Variants in GRN observed in about 807,000 individuals in gnomAD.
GRN encodes progranulin.
A neutral mutation model predicts 66.7 loss-of-function variants in GRN; 30 were observed. The observed-to-expected ratio is 0.45, with a 90% confidence interval of 0.34 to 0.61. The LOEUF is 0.61. GRN is among the 20% of genes least tolerant of loss of function. The probability of loss-of-function intolerance (pLI) is 0.01; values close to 1 mark genes in which losing one functional copy is unlikely to be tolerated. For synonymous variants in GRN, 327 were observed against 311.1 expected (o/e 1.05, Z -0.54); for missense variants, 731 against 803.5 (o/e 0.91, Z 1.09).
chr17:44,352,064 G>A lies in GRN; in HGVS notation c.1229G>A (p.Cys410Tyr), dbSNP rs1348099857. ...CACTGCTGCCCCCAGGGCTACACGT[G>A]TGTAGCTGAGGGGCAGTGTCAGCGA... ...HQHCCPQGYT[C>Y]VAEGQCQRGS... Residue 410 changes from cysteine (C) to tyrosine (Y), a missense_variant, in exon 11 of 13, where the codon TGT becomes TAT. Physicochemically the swap from Cys to Tyr is radical, Grantham distance 194. Coordinates refer to ENST00000053867, the MANE Select transcript of GRN (RefSeq NM_002087.4). 1.9e-6 allele frequency: 3 copies of A among 1,613,846 alleles called. No homozygotes were observed. The highest frequency in any genetic ancestry group is 1.7e-6 in the Non-Finnish European group (2 of 1,179,986).
chr17:44,349,291 C>T lies in GRN; in HGVS notation c.127C>T (p.Arg43Cys). 1.2e-6 allele frequency: 2 copies of T among 1,613,892 alleles called. No individual in the cohort carries two copies. Among genetic ancestry groups the T allele is most frequent in the African/African-American group, 1.3e-5 (1 of 75,064 alleles). The change falls in exon 2 of 13, where the codon CGT becomes TGT. Residue 43 changes from arginine (R) to cysteine (C), a missense_variant. This residue lies in a region of GRN where 370 missense variants were observed against 379.8 expected (regional missense o/e 0.97). Coordinates refer to ENST00000053867, the MANE Select transcript of GRN (RefSeq NM_002087.4). Reference sequence around the variant, plus strand: ...CGGAGGAGCCAGCTACAGCTGCTGCCGTCCCCTTCTGGTGAGTGCCCCTCA... The same window carrying T: ...CGGAGGAGCCAGCTACAGCTGCTGCTGTCCCCTTCTGGTGAGTGCCCCTCA... The part of the protein sequence containing the change: ...DPGGASYSCC[R>C]PLLDKWPTTL...
At position 44,350,798 on chromosome 17, in the gene GRN, A is replaced by G. The variant is rs2048365827; in HGVS notation, c.706A>G (p.Asn236Asp). The change falls in exon 7 of 13, where the codon AAC becomes GAC. Residue 236 changes from asparagine to aspartate, a missense_variant and splice_region_variant. Around this residue, in one of 3 missense-constraint regions of GRN, gnomAD observed 370 missense variants for 379.8 expected, o/e 0.97. Coordinates refer to ENST00000053867, the MANE Select transcript of GRN (RefSeq NM_002087.4). ...SGKYGCCPMP[N>D]ATCCSDHLHC... ...GAAGTATGGCTGCTGCCCAATGCCC[A>G]ACGTGAGTGAGGGGCTGGAGCCAGC... is the stretch of plus-strand genomic sequence containing the variant. 1.9e-6 allele frequency: 3 copies of G among 1,607,626 alleles called. No individual in the cohort carries two copies. The highest frequency in any genetic ancestry group is 2.6e-6 in the Non-Finnish European group (3 of 1,174,382).
At position 44,352,039 on chromosome 17, in the gene GRN, C is replaced by G; in HGVS notation, c.1204C>G (p.His402Asp). Reference protein sequence around the residue: ...PEAVCCSDHQHCCPQGYTCVA... With the variant: ...PEAVCCSDHQDCCPQGYTCVA... ...GGCTGTCTGCTGCTCGGACCACCAG[C>G]ACTGCTGCCCCCAGGGCTACACGTG... is the stretch of plus-strand genomic sequence containing the variant. Residue 402 changes from histidine (H) to aspartate (D), a missense_variant, in exon 11 of 13, where the codon CAC (histidine) becomes GAC (aspartate). By Grantham distance (81) the His-to-Asp change is moderately conservative (BLOSUM62 -1). This residue lies in a region of GRN where 319 missense variants were observed against 347.2 expected (regional missense o/e 0.92). Transcript: ENST00000053867. 1.2e-6 allele frequency: 2 copies of G among 1,613,540 alleles called. No homozygotes were observed. Among genetic ancestry groups the G allele is most frequent in the Non-Finnish European group, 1.7e-6 (2 of 1,179,898 alleles).
At chr17:44,351,265 C>A in intron 8 of GRN, 98 bp from the exon 9 acceptor site, 1 of 1,535,438 alleles carries the variant, frequency 6.5e-7, no homozygotes, top group Non-Finnish European at 9.0e-7. Context: ...TACCCTCCAT[C>A]TTCAACACCT....
In GRN at chr17:44,349,667, G is replaced by A. The variant is rs767389508; in HGVS notation, c.265G>A (p.Ala89Thr). The A allele has an allele frequency of 6.2e-7, 1 of 1,612,984 alleles. No individual in the cohort carries two copies. The highest frequency in any genetic ancestry group is 1.1e-5 in the South Asian group (1 of 91,070). The stretch of plus-strand genomic sequence containing the variant: ...ATGCAGGTTTCTCTGTGTTCCACAG[G>A]CCGTGGCATGCGGGGATGGCCATCA... ...GTSSCCPFPE[A>T]VACGDGHHCC... The change falls in exon 4 of 13, where the codon GCC becomes ACC. Residue 89 changes from alanine to threonine, a missense_variant and splice_region_variant. Transcript: ENST00000053867.
In GRN at chr17:44,352,914, C is replaced by T; in HGVS notation, c.*116C>T. 9.8e-7 allele frequency: 1 copy of T among 1,017,452 alleles called. No individual in the cohort carries two copies. The highest frequency in any genetic ancestry group is 1.3e-5 in the South Asian group (1 of 74,322). The allele number at this position is 1,017,452 out of a possible 1,614,324, so 63.0% of individuals were successfully genotyped here. A position where few individuals can be genotyped will look rare whatever the true frequency, so the allele number is the denominator to read the frequency against. On this transcript the variant is annotated 3_prime_UTR_variant, in exon 13 of 13. Transcript: ENST00000053867. ...TCTCCCTGGACCCCATTCTGAGCTC[C>T]CCATCACCATGGGAGGTGGGGCCTC...
intron 1 of GRN, among the ~76,000 whole-genome samples, chr17:44,346,977 T>C (rs928842567): frequency 1.3e-5 from 2 of 151,638 alleles, no homozygotes; most frequent in Admixed American, 1.3e-4. Context: ...ATTAGCCAGG[T>C]GTGGTAGCGC....
chr17:44,349,230 T>A lies in GRN; in HGVS notation c.66T>A (p.Asp22Glu), dbSNP rs2048348383. The stretch of plus-strand genomic sequence containing the variant: ...TGGTGGCTGGAACGCGGTGCCCAGA[T>A]GGTCAGTTCTGCCCTGTGGCCTGCT... ...AGLVAGTRCP[D>E]GQFCPVACCL... Residue 22 changes from aspartate (D) to glutamate (E), a missense_variant, in exon 2 of 13, where the codon GAT (aspartate) becomes GAA (glutamate). Physicochemically the swap from Asp to Glu is conservative, Grantham distance 45 (BLOSUM62 2). Around this residue, in one of 3 missense-constraint regions of GRN, gnomAD observed 370 missense variants for 379.8 expected, o/e 0.97. Transcript: ENST00000053867. 1 of 1,613,934 alleles carries A rather than the reference T, an allele frequency of 6.2e-7. No homozygotes were observed. Among genetic ancestry groups the A allele is most frequent in the African/African-American group, 1.3e-5 (1 of 74,940 alleles).
At chr17:44,348,968 A>C (rs2143323662) in intron 1 of GRN, among the ~76,000 whole-genome samples, 190 bp from the exon 2 acceptor site, 1 of 152,372 alleles carries the variant, frequency 6.6e-6, no homozygotes, top group South Asian at 2.1e-4. Flanking sequence ...GGCAAGTGTC[A>C]CACACGGGGC....
rs377654647 is a variant in GRN, at chr17:44,349,117, T to C, written c.-7-41T>C. Reference sequence around the variant, plus strand: ...AGTGACCCTAGAATCAAGGGTGGCGTGGGCTTAAGCAGTTGCCAGACGTTC... The same window carrying C: ...AGTGACCCTAGAATCAAGGGTGGCGCGGGCTTAAGCAGTTGCCAGACGTTC... On this transcript the variant is annotated intron_variant, in intron 1 of 12. Coordinates refer to ENST00000053867, the MANE Select transcript of GRN (RefSeq NM_002087.4). 299 of 1,610,732 alleles carry C rather than the reference T, an allele frequency of 1.9e-4. 2 individuals carry two copies. The South Asian group carries it at 3.1e-3, about 17-fold the overall frequency.
In GRN at chr17:44,347,944, A is replaced by AGG. The variant is rs368946511; in HGVS notation, c.-7-1210_-7-1209dup. On this transcript the variant is annotated intron_variant, in intron 1 of 12. Coordinates refer to ENST00000053867, the MANE Select transcript of GRN (RefSeq NM_002087.4). Reference sequence around the variant, plus strand: ...GACTGTCTCAAAAAAAAAAAAAAAAAGGGGGTGAGCAGACGTGGTGGCACG... The same window carrying AGG: ...GACTGTCTCAAAAAAAAAAAAAAAAAGGGGGGGTGAGCAGACGTGGTGGCACG... Among the ~76,000 whole-genome samples, 13 of 137,106 alleles carry AGG rather than the reference A, an allele frequency of 9.5e-5. No individual in the cohort carries two copies. The East Asian group carries it at 2.5e-3, about 26-fold the overall frequency. 89.9% of individuals were successfully genotyped at this position (137,106 alleles called of 152,430 possible).
rs1206373923 is a variant in GRN at position 44,351,070 on chromosome 17, C to G, written c.742C>G (p.Pro248Ala). ...CTGCTCCGATCACCTGCACTGCTGC[C>G]CCCAAGACACTGTGTGTGACCTGAT... ...TCCSDHLHCCPQDTVCDLIQS... is the reference protein window; with the variant it reads ...TCCSDHLHCCAQDTVCDLIQS... The change falls in exon 8 of 13, where the codon CCC (proline) becomes GCC (alanine). Residue 248 changes from proline (P) to alanine (A), a missense_variant. By Grantham distance (27) the Pro-to-Ala change is conservative (BLOSUM62 -1). Around this residue, in one of 3 missense-constraint regions of GRN, gnomAD observed 370 missense variants for 379.8 expected, o/e 0.97. Coordinates refer to ENST00000053867, the MANE Select transcript of GRN (RefSeq NM_002087.4). 1 of 1,614,020 alleles carries G rather than the reference C, an allele frequency of 6.2e-7. No homozygotes were observed. The highest frequency in any genetic ancestry group is 1.1e-5 in the South Asian group (1 of 91,084).
rs780086363 is a variant in GRN at position 44,349,241 on chromosome 17, G to A, written c.77G>A (p.Cys26Tyr). The change falls in exon 2 of 13, where the codon TGC (cysteine) becomes TAC (tyrosine). Residue 26 changes from cysteine to tyrosine, a missense_variant. Transcript: ENST00000053867. Reference protein sequence around the residue: ...AGTRCPDGQFCPVACCLDPGG... With the variant: ...AGTRCPDGQFYPVACCLDPGG... Reference sequence around the variant, plus strand: ...ACGCGGTGCCCAGATGGTCAGTTCTGCCCTGTGGCCTGCTGCCTGGACCCC... The same window carrying A: ...ACGCGGTGCCCAGATGGTCAGTTCTACCCTGTGGCCTGCTGCCTGGACCCC... The A allele has an allele frequency of 1.2e-6, 2 of 1,613,912 alleles. No individual in the cohort carries two copies. Among genetic ancestry groups the A allele is most frequent in the South Asian group, 1.1e-5 (1 of 91,090 alleles).
At position 44,349,224 on chromosome 17, in the gene GRN, C is replaced by T; in HGVS notation, c.60C>T (p.Cys20=). 1 of 1,613,930 alleles carries T rather than the reference C, an allele frequency of 6.2e-7. No homozygotes were observed. Among genetic ancestry groups the T allele is most frequent in the South Asian group, 1.1e-5 (1 of 91,084 alleles). The change falls in exon 2 of 13, where the codon TGC becomes TGT. Residue 20 remains cysteine, a synonymous_variant. Coordinates refer to ENST00000053867, the MANE Select transcript of GRN (RefSeq NM_002087.4). ...LTAGLVAGTR[C]PDGQFCPVAC... ...CAGGGCTGGTGGCTGGAACGCGGTG[C>T]CCAGATGGTCAGTTCTGCCCTGTGG...
chr17:44,349,789 C>CAGCA (rs765083210), intron 4 of GRN, 38 bp downstream of exon 4: 5 of 1,391,236 alleles, frequency 3.6e-6, no homozygotes, highest in Non-Finnish European at 5.1e-6. Flanking sequence ...GGCAGACGGG[C>CAGCA]AGCATGTGGA....
rs1368728170 is a variant in GRN at position 44,351,735 on chromosome 17, C to G, written c.1119C>G (p.Pro373=). The G allele has an allele frequency of 6.2e-7, 1 of 1,613,530 alleles. No individual in the cohort carries two copies. The highest frequency in any genetic ancestry group is 1.1e-5 in the South Asian group (1 of 91,070). Residue 373 remains proline, a synonymous_variant, in exon 10 of 13, where the codon CCC becomes CCG. Transcript: ENST00000053867. The part of the protein sequence containing the change: ...DVPCDNVSSC[P]SSDTCCQLTS... ...CCTGTGATAATGTCAGCAGCTGTCC[C>G]TCCTCCGATACCTGCTGCCAACTCA...
In GRN at chr17:44,349,715, T is replaced by C. The variant is rs63750441; in HGVS notation, c.313T>C (p.Cys105Arg). Residue 105 changes from cysteine (C) to arginine (R), a missense_variant, in exon 4 of 13, where the codon TGC becomes CGC. Cys to Arg is a radical substitution (Grantham distance 180). Coordinates refer to ENST00000053867, the MANE Select transcript of GRN (RefSeq NM_002087.4). ...TCACTGCTGCCCACGGGGCTTCCAC[T>C]GCAGTGCAGACGGGCGATCCTGCTT... ...GHHCCPRGFH[C>R]SADGRSCFQR... 1 of 1,612,668 alleles carries C rather than the reference T, an allele frequency of 6.2e-7. No homozygotes were observed. Among genetic ancestry groups the C allele is most frequent in the Non-Finnish European group, 8.5e-7 (1 of 1,178,822 alleles).
At position 44,353,069 on chromosome 17, in the gene GRN, C is replaced by T. The variant is rs1005152960; in HGVS notation, c.*271C>T. On this transcript the variant is annotated 3_prime_UTR_variant, in exon 13 of 13. Transcript: ENST00000053867. ...ATCCACAGGGGTGTTTGTGTGTGTG[C>T]GCGTGTGCGTTTCAATAAAGTTTGT... is the stretch of plus-strand genomic sequence containing the variant. 5.2e-6 allele frequency: 3 copies of T among 575,664 alleles called. No individual in the cohort carries two copies. Among genetic ancestry groups the T allele is most frequent in the Admixed American group, 3.0e-5 (1 of 33,046 alleles). The allele number at this position is 575,664 out of a possible 1,614,324, so 35.7% of individuals were successfully genotyped here. A position where few individuals can be genotyped will look rare whatever the true frequency, so the allele number is the denominator to read the frequency against.
intron 4 of GRN, 67 bp from the exon 5 acceptor site, chr17:44,350,161 C>T (rs1598363311): frequency 1.8e-6 from 2 of 1,096,520 alleles, no homozygotes; most frequent in East Asian, 4.8e-5. Flanking sequence ...GCCACCAGCT[C>T]CTTGTGTGAT....
Sources: allele counts gnomAD v4.1 joint callset (sites outside exome capture counted in the v4.1 genomes callset), GRCh38; gene constraint gnomAD v4.1.1; regional missense constraint gnomAD v4.1.1; transcripts MANE v1.5; gene names NCBI Gene and HGNC (gene_info 2026-07-23, HGNC 2026-07-21).